Variants in SNX29 observed in about 807,000 individuals in gnomAD.
SNX29 encodes the protein sorting nexin-29.
SNX29 carries 78 observed loss-of-function variants against 102.1 expected under a neutral mutation model. That is an observed-to-expected ratio of 0.76 (90% CI 0.64 to 0.92). The LOEUF is 0.92. Ranked by LOEUF, SNX29 falls within the 40% of genes least tolerant of loss-of-function variation. The pLI is 0.00. For missense variants in SNX29, 1,280 were observed against 1,061.7 expected, an observed-to-expected ratio of 1.21 and a Z score of -2.86; for synonymous variants, 580 against 414.5, an observed-to-expected ratio of 1.40 and a Z score of -4.85.
intron 16 of SNX29, among the ~76,000 whole-genome samples, chr16:12,382,745 T>C (rs2083215620): frequency 6.6e-6 from 1 of 152,188 alleles, no homozygotes; most frequent in Non-Finnish European, 1.5e-5. Flanking sequence ...GGGAAGATCC[T>C]TCCCTGTCTC....
At chr16:12,558,162 G>C (rs1233798755) in intron 20 of SNX29, among the ~76,000 whole-genome samples, 1 of 152,178 alleles carries the variant, frequency 6.6e-6, no homozygotes, top group Non-Finnish European at 1.5e-5. Context: ...TAGCAAGTTA[G>C]GCGTAATGCA....
intron 20 of SNX29, among the ~76,000 whole-genome samples, chr16:12,542,224 G>T (rs1172431342): frequency 1.3e-5 from 2 of 152,074 alleles, no homozygotes; most frequent in African/African-American, 4.8e-5. Flanking sequence ...CAACTCAGAG[G>T]GATAGGACCT....
chr16:12,278,653 GGTTCAGGTA>G, intron 15 of SNX29, among the ~76,000 whole-genome samples: 1 of 49,754 alleles, frequency 2.0e-5, no homozygotes, highest in Non-Finnish European at 7.5e-5. Context: ...TCTCTATCTT[GGTTCAGGTA>G]TGCATTACTG....
intron 20 of SNX29, among the ~76,000 whole-genome samples, chr16:12,550,061 G>T (rs34945677): frequency 6.6e-6 from 1 of 152,070 alleles, no homozygotes; most frequent in East Asian, 1.9e-4. Context: ...AGTATGTTTA[G>T]TCTCACCCTT....
chr16:12,382,184 G>C (rs978689942), intron 16 of SNX29, among the ~76,000 whole-genome samples: 5 of 152,082 alleles, frequency 3.3e-5, no homozygotes, highest in Non-Finnish European at 7.3e-5. Context: ...GAGGACCTGC[G>C]ATAGACGACA....
At chr16:12,489,249 T>C (rs1420467459) in intron 19 of SNX29, among the ~76,000 whole-genome samples, 2 of 151,878 alleles carry the variant, frequency 1.3e-5, no homozygotes, top group Non-Finnish European at 2.9e-5. Flanking sequence ...AATTGAGAAC[T>C]GTGTATTGCA....
intron 11 of SNX29, among the ~76,000 whole-genome samples, chr16:12,102,382 A>G (rs2053060135): frequency 6.6e-6 from 1 of 152,234 alleles, no homozygotes. Context: ...CACTGCCACT[A>G]ACAGTGTAAA....
chr16:12,089,379 C>G (rs779070767), intron 11 of SNX29, among the ~76,000 whole-genome samples: 3 of 152,010 alleles, frequency 2.0e-5, no homozygotes, highest in Admixed American at 1.3e-4. Flanking sequence ...AAACCTGCAA[C>G]TATTTCTGCC....
At chr16:12,308,413 A>C (rs895944219) in intron 15 of SNX29, among the ~76,000 whole-genome samples, 1 of 152,188 alleles carries the variant, frequency 6.6e-6, no homozygotes, top group Non-Finnish European at 1.5e-5. Context: ...TGCAGGGATC[A>C]ACCTCTTAGT....
At chr16:12,010,447 C>A (rs1381945936) in intron 3 of SNX29, among the ~76,000 whole-genome samples, 2 of 152,036 alleles carry the variant, frequency 1.3e-5, no homozygotes, top group Non-Finnish European at 2.9e-5. Context: ...CATGGCGAAA[C>A]CCCATGTCTA....
chr16:12,199,458 TA>T (rs1596487019), intron 13 of SNX29, 142 bp from the exon 14 acceptor site: 1 of 646,972 alleles, frequency 1.5e-6, no homozygotes, highest in Non-Finnish European at 2.7e-6. Context: ...TGATGATATC[TA>T]AACCATGAGA....
chr16:12,407,235 T>C (rs1344774898), intron 18 of SNX29, among the ~76,000 whole-genome samples: 1 of 152,206 alleles, frequency 6.6e-6, no homozygotes, highest in East Asian at 1.9e-4. Context: ...TGTCACTCTC[T>C]TACCTCTCAT....
intron 14 of SNX29, among the ~76,000 whole-genome samples, chr16:12,211,007 C>G (rs1467482318): frequency 1.3e-5 from 2 of 152,146 alleles, no homozygotes; most frequent in African/African-American, 4.8e-5. Context: ...CCCAGCACAG[C>G]CTTTAGTGCA....
intron 18 of SNX29, among the ~76,000 whole-genome samples, chr16:12,443,847 C>T (rs967661960): frequency 6.6e-6 from 1 of 152,210 alleles, no homozygotes; most frequent in Non-Finnish European, 1.5e-5. Context: ...AGTTTCTTCA[C>T]TTGCAAAAAG....
Position 12,559,934 on chromosome 16 carries a change from A to G in SNX29, c.2319-8572A>G, listed in dbSNP as rs768691387. ...GTGGAGCTTGCAGTGAGTCGAGATT[A>G]CATCACTGCACTCCAGCCTGGGCAA... On this transcript the variant is annotated intron_variant, in intron 20 of 20. Transcript: ENST00000566228. Among the ~76,000 whole-genome samples, 6 of 152,200 alleles carry G rather than the reference A, an allele frequency of 3.9e-5. No individual in the cohort carries two copies. In the South Asian group the frequency reaches 1.0e-3, roughly 26 times the overall value.
At chr16:12,220,324 A>G (rs1175582932) in intron 14 of SNX29, among the ~76,000 whole-genome samples, 13 of 113,832 alleles carry the variant, frequency 1.1e-4, no homozygotes, top group Admixed American at 3.8e-4. Context: ...GGGAGGGAGG[A>G]AGGGAGGGAG....
intron 14 of SNX29, among the ~76,000 whole-genome samples, chr16:12,201,346 A>C (rs1478457955): frequency 1.3e-5 from 2 of 152,174 alleles, no homozygotes; most frequent in Admixed American, 1.3e-4. Flanking sequence ...CACTACATTC[A>C]TTACATACTT....
chr16:12,124,103 A>G (rs908596980), intron 11 of SNX29, among the ~76,000 whole-genome samples: 5 of 152,220 alleles, frequency 3.3e-5, no homozygotes, highest in Non-Finnish European at 5.9e-5. Context: ...CACGCCTGTA[A>G]TCCCAGCACT....
At chr16:12,538,711 T>A (rs965677289) in intron 20 of SNX29, among the ~76,000 whole-genome samples, 4 of 152,098 alleles carry the variant, frequency 2.6e-5, no homozygotes, top group African/African-American at 9.7e-5. Context: ...CCTGGGCATG[T>A]ACATCAGGGA....
Sources: allele counts gnomAD v4.1 joint callset (sites outside exome capture counted in the v4.1 genomes callset), GRCh38; gene constraint gnomAD v4.1.1; transcripts MANE v1.5; gene names NCBI Gene and HGNC (gene_info 2026-07-23, HGNC 2026-07-21).